The following APOBEC3F variants were observed in gnomAD, a reference collection of about 807,000 sequenced individuals.
APOBEC3F encodes DNA dC->dU-editing enzyme APOBEC-3F.
APOBEC3F carries 34 observed loss-of-function variants against 45.8 expected under a neutral mutation model. That is an observed-to-expected ratio of 0.74 (90% confidence interval 0.57 to 0.99). The LOEUF (loss-of-function observed/expected upper bound fraction) is 0.99. Ranked by LOEUF, APOBEC3F falls within the 50% of genes least tolerant of loss-of-function variation. The probability of loss-of-function intolerance (pLI) is 0.00; values close to 1 mark genes in which losing one functional copy is unlikely to be tolerated. For synonymous variants in APOBEC3F, 192 were observed against 174.4 expected (o/e 1.10, Z -0.80); for missense variants, 459 against 474.1 (o/e 0.97, Z 0.30).
intron 1 of APOBEC3F, among the ~76,000 whole-genome samples, chr22:39,041,778 C>G (rs1360633100): frequency 6.6e-6 from 1 of 151,980 alleles, no homozygotes; most frequent in Non-Finnish European, 1.5e-5. Flanking sequence ...AGGAGAATCG[C>G]TTGAACCCAG....
Position 39,045,138 on chromosome 22 carries a change from C to G in APOBEC3F, c.369C>G (p.Tyr123Ter). 1 of 1,614,108 alleles carries G rather than the reference C, an allele frequency of 6.2e-7. No individual in the cohort carries two copies. Among genetic ancestry groups the G allele is most frequent in the Non-Finnish European group, 8.5e-7 (1 of 1,180,024 alleles). The stretch of plus-strand genomic sequence containing the variant: ...TGACCATCTCCGCCGCCCGCCTCTA[C>G]TACTACTGGGAAAGAGATTACCGAA... ...VTLTISAARL[Y>*]YYWERDYRRA... is the part of the protein sequence containing the mutation. The change falls in exon 3 of 7, where the codon TAC (tyrosine) becomes TAG (stop). Residue 123 changes from tyrosine (Y) to a stop codon, truncating the protein, a stop_gained. Transcript: ENST00000308521. LOFTEE classifies it high-confidence loss of function.
intron 5 of APOBEC3F, among the ~76,000 whole-genome samples, chr22:39,051,213 G>C (rs1927466631): frequency 6.6e-6 from 1 of 151,590 alleles, no homozygotes; most frequent in African/African-American, 2.4e-5. Flanking sequence ...CCCCAGCCTG[G>C]GTGACAGAGC....
At chr22:39,045,665 C>A in intron 4 of APOBEC3F, 123 bp downstream of exon 4, 1 of 1,523,612 alleles carries the variant, frequency 6.6e-7, no homozygotes, top group Non-Finnish European at 8.9e-7. Context: ...CATGGTTACA[C>A]CCCTCACCCA....
intron 4 of APOBEC3F, among the ~76,000 whole-genome samples, chr22:39,046,169 G>A (rs1334642166): frequency 6.6e-6 from 1 of 152,052 alleles, no homozygotes; most frequent in Non-Finnish European, 1.5e-5. Context: ...GCACCCCTGG[G>A]GTCTCTCTGC....
chr22:39,047,982 A>G (rs1473473544), intron 4 of APOBEC3F, among the ~76,000 whole-genome samples: 2 of 152,172 alleles, frequency 1.3e-5, no homozygotes, highest in Non-Finnish European at 2.9e-5. Flanking sequence ...ACCAGAAAAT[A>G]AGTCACTTCT....
intron 4 of APOBEC3F, 77 bp downstream of exon 4, chr22:39,045,619 G>T (rs1369352549): frequency 1.9e-6 from 3 of 1,598,972 alleles, no homozygotes; most frequent in Non-Finnish European, 2.6e-6. Flanking sequence ...CCCTGGCCAG[G>T]CCCTCCTGCC....
rs757707057 is a variant in APOBEC3F, at chr22:39,045,167, C to T, written c.398C>T (p.Ala133Val). 6.2e-6 allele frequency: 10 copies of T among 1,614,146 alleles called. No individual in the cohort carries two copies. The highest frequency in any genetic ancestry group is 3.3e-5 in the South Asian group (3 of 91,086). ...TACTGGGAAAGAGATTACCGAAGGG[C>T]GCTCTGCAGGCTGAGTCAGGCAGGG... The part of the protein sequence containing the change: ...YYYWERDYRR[A>V]LCRLSQAGAR... The change falls in exon 3 of 7, where the codon GCG (alanine) becomes GTG (valine). Residue 133 changes from alanine (A) to valine (V), a missense_variant. Ala to Val is a moderately conservative substitution (Grantham distance 64). Coordinates refer to ENST00000308521, the MANE Select transcript of APOBEC3F (RefSeq NM_145298.6).
In APOBEC3F at chr22:39,052,260, G is replaced by T. The variant is rs749030868; in HGVS notation, c.910G>T (p.Ala304Ser). 1 of 1,614,198 alleles carries T rather than the reference G, an allele frequency of 6.2e-7. No individual in the cohort carries two copies. Among genetic ancestry groups the T allele is most frequent in the South Asian group, 1.1e-5 (1 of 91,080 alleles). Residue 304 changes from alanine (A) to serine (S), a missense_variant, in exon 6 of 7, where the codon GCC becomes TCC. Physicochemically the swap from Ala to Ser is moderately conservative, Grantham distance 99. Coordinates refer to ENST00000308521, the MANE Select transcript of APOBEC3F (RefSeq NM_145298.6). ...CAACGTGAATCTCACCATCTTCACC[G>T]CCCGCCTCTACTACTTCTGGGATAC... is the stretch of plus-strand genomic sequence containing the variant. The part of the protein sequence containing the change: ...HSNVNLTIFT[A>S]RLYYFWDTDY...
At position 39,052,721 on chromosome 22, in the gene APOBEC3F, G is replaced by A. The variant is rs375884243; in HGVS notation, c.*26G>A. The A allele has an allele frequency of 6.9e-6, 11 of 1,601,106 alleles. No individual in the cohort carries two copies. Among genetic ancestry groups the A allele is most frequent in the Non-Finnish European group, 9.4e-6 (11 of 1,173,358 alleles). ...GGGGTCTCCCCGGGCCTCATGGTCT[G>A]TCTCCTCTAGCCTCCTGCTCATGTT... On this transcript the variant is annotated 3_prime_UTR_variant, in exon 7 of 7. Coordinates refer to ENST00000308521, the MANE Select transcript of APOBEC3F (RefSeq NM_145298.6).
Position 39,054,941 on chromosome 22 carries a change from G to A in APOBEC3F, c.*2246G>A, listed in dbSNP as rs1054028526. ...ACAGATATGGAGGCTACAAGTCCAA[G>A]GTGGAGGGGTCGGCGGGGTTGTTTG... On this transcript the variant is annotated 3_prime_UTR_variant, in exon 7 of 7. Coordinates refer to ENST00000308521, the MANE Select transcript of APOBEC3F (RefSeq NM_145298.6). 2.0e-5 allele frequency among the ~76,000 whole-genome samples: 3 copies of A among 152,152 alleles called. No individual in the cohort carries two copies. The highest frequency in any genetic ancestry group is 2.0e-4 in the Admixed American group (3 of 15,276).
Position 39,052,559 on chromosome 22 carries a change from C to T in APOBEC3F, c.1004-18C>T, listed in dbSNP as rs1927549078. On this transcript the variant is annotated intron_variant, in intron 6 of 6. Coordinates refer to ENST00000308521, the MANE Select transcript of APOBEC3F (RefSeq NM_145298.6). ...AAGCCTGCTGGGCCCTCACTGCTTTCTCCTTGTTTTTTCTCAGATTTTAAA... is the reference window on the plus strand; with the variant it reads ...AAGCCTGCTGGGCCCTCACTGCTTTTTCCTTGTTTTTTCTCAGATTTTAAA... The T allele has an allele frequency of 3.7e-6, 6 of 1,608,296 alleles. No individual in the cohort carries two copies. The highest frequency in any genetic ancestry group is 5.1e-6 in the Non-Finnish European group (6 of 1,176,340).
intron 4 of APOBEC3F, 125 bp from the exon 5 acceptor site, chr22:39,049,300 C>A: frequency 5.8e-6 from 7 of 1,200,994 alleles, no homozygotes; most frequent in Non-Finnish European, 1.2e-6. Flanking sequence ...TTCTCTCTCC[C>A]AGTCTTTCTG....
rs1569067992 is a variant in APOBEC3F at position 39,042,306 on chromosome 22, C to CT, written c.18-630dup. On this transcript the variant is annotated intron_variant, in intron 1 of 6. Coordinates refer to ENST00000308521, the MANE Select transcript of APOBEC3F (RefSeq NM_145298.6). ...TTTGGGGTGAATAGTTTTATTCTCTCTCTCTTTTTTTTTTTTTTTTTTGAG... is the reference window on the plus strand; with the variant it reads ...TTTGGGGTGAATAGTTTTATTCTCTCTTCTCTTTTTTTTTTTTTTTTTTGAG... Among the ~76,000 whole-genome samples, 5 of 132,530 alleles carry CT rather than the reference C, an allele frequency of 3.8e-5. 1 individual carries two copies. The allele number at this position is 132,530 out of a possible 152,430, so 86.9% of individuals were successfully genotyped here.
chr22:39,042,364 T>G (rs1926955529), intron 1 of APOBEC3F, among the ~76,000 whole-genome samples: 1 of 147,236 alleles, frequency 6.8e-6, no homozygotes. Context: ...CAGGCTGGAG[T>G]GCAGTGGCAC....
chr22:39,041,956 A>T (rs1354491691), intron 1 of APOBEC3F, among the ~76,000 whole-genome samples: 2 of 152,234 alleles, frequency 1.3e-5, no homozygotes, highest in Non-Finnish European at 2.9e-5. Context: ...TTTAGTAAGA[A>T]GAGAGTCTGG....
Position 39,054,005 on chromosome 22 carries a change from T to G in APOBEC3F, c.*1310T>G, listed in dbSNP as rs1927614268. 6.6e-6 allele frequency: 1 copy of G among 152,106 alleles called. No homozygotes were observed. Among genetic ancestry groups the G allele is most frequent in the Non-Finnish European group, 1.5e-5 (1 of 68,020 alleles). The allele number at this position is 152,106 out of a possible 1,614,324, so 9.4% of individuals were successfully genotyped here. ...GCTTTCCCATAGGACAAGAGAACAT[T>G]TCTCCTTTTCTTTTTTTTTTTCTTT... On this transcript the variant is annotated 3_prime_UTR_variant, in exon 7 of 7. Coordinates refer to ENST00000308521, the MANE Select transcript of APOBEC3F (RefSeq NM_145298.6).
At chr22:39,041,041 G>A in intron 1 of APOBEC3F, 64 bp downstream of exon 1, 2 of 1,556,968 alleles carry the variant, frequency 1.3e-6, no homozygotes, top group Non-Finnish European at 8.7e-7. Context: ...TGGCTCTGCT[G>A]GGCGTCAGCC....
chr22:39,049,527 A>G lies in APOBEC3F; in HGVS notation c.669A>G (p.Glu223=). ...RNESWLCFTM[E]VVKHHSPVSW... ...AAAGCTGGCTGTGCTTCACCATGGA[A>G]GTTGTAAAGCACCACTCACCTGTCT... is the stretch of plus-strand genomic sequence containing the variant. Residue 223 remains glutamate, a synonymous_variant, in exon 5 of 7, where the codon GAA becomes GAG. Coordinates refer to ENST00000308521, the MANE Select transcript of APOBEC3F (RefSeq NM_145298.6). The G allele has an allele frequency of 6.2e-7, 1 of 1,614,078 alleles. No individual in the cohort carries two copies. Among genetic ancestry groups the G allele is most frequent in the Non-Finnish European group, 8.5e-7 (1 of 1,179,998 alleles).
chr22:39,048,008 A>G (rs1927304992), intron 4 of APOBEC3F, among the ~76,000 whole-genome samples: 1 of 152,208 alleles, frequency 6.6e-6, no homozygotes, highest in South Asian at 2.1e-4. Flanking sequence ...AGATGCCTCC[A>G]CTGTGAACAG....
Sources: gnomAD v4.1 joint callset for allele counts (sites outside exome capture counted in the v4.1 genomes callset) on GRCh38, gnomAD v4.1.1 for gene constraint, MANE v1.5 for transcripts, NCBI Gene and HGNC (gene_info 2026-07-23, HGNC 2026-07-21) for gene names.